Variants in DLGAP1 observed in about 807,000 individuals in gnomAD.
The protein encoded by DLGAP1 is DLG associated protein 1, also known as disks large-associated protein 1.
Under a neutral mutation model 90.8 loss-of-function variants are expected in DLGAP1, and 11 were observed. That is an observed-to-expected ratio of 0.12 (90% CI 0.08 to 0.20). The LOEUF is 0.20. Among genes scored for constraint, DLGAP1 ranks in the 10% least tolerant of loss-of-function variants. The pLI is 1.00. For missense variants in DLGAP1, 1,050 were observed against 1,333.8 expected, an observed-to-expected ratio of 0.79 and a Z score of 3.31; for synonymous variants, 558 against 540.7, an observed-to-expected ratio of 1.03 and a Z score of -0.44.
At chr18:3,743,945 C>T (rs191874740) in intron 5 of DLGAP1, among the ~76,000 whole-genome samples, 121 of 152,276 alleles carry the variant, frequency 7.9e-4, no homozygotes, top group Non-Finnish European at 1.5e-3. Flanking sequence ...CCACTGTGCC[C>T]GGCCAATGTT....
chr18:4,318,686 T>C (rs1239045876), intron 1 of DLGAP1, among the ~76,000 whole-genome samples: 1 of 152,176 alleles, frequency 6.6e-6, no homozygotes. Context: ...TGCAACTTCA[T>C]TAAGAATGTG....
intron 7 of DLGAP1, among the ~76,000 whole-genome samples, chr18:3,644,401 T>TTTTATTTATTTATTTATTTATTTA (rs376019924): frequency 2.2e-3 from 330 of 150,780 alleles, no homozygotes; most frequent in African/African-American, 7.5e-3. Context: ...TACTATTTTA[T>TTTTATTTATTTATTTATTTATTTA]TTTATTTATT....
intron 1 of DLGAP1, among the ~76,000 whole-genome samples, chr18:4,439,229 C>T (rs2083472869): frequency 6.6e-6 from 1 of 152,156 alleles, no homozygotes; most frequent in African/African-American, 2.4e-5. Context: ...GGGGATTTTG[C>T]CATTTCTATT....
chr18:3,646,699 C>T (rs566999210), intron 7 of DLGAP1, among the ~76,000 whole-genome samples: 86 of 151,960 alleles, frequency 5.7e-4, no homozygotes, highest in African/African-American at 1.9e-3. Flanking sequence ...CCGAGGCGGG[C>T]AGATCACGAG....
intron 3 of DLGAP1, among the ~76,000 whole-genome samples, chr18:3,989,098 C>T (rs369876546): frequency 3.9e-5 from 6 of 152,344 alleles, no homozygotes; most frequent in African/African-American, 1.4e-4. Flanking sequence ...CTCCCAGGAC[C>T]CGGTCCCTAT....
intron 1 of DLGAP1, among the ~76,000 whole-genome samples, chr18:4,349,001 T>C (rs1422268117): frequency 6.6e-6 from 1 of 152,106 alleles, no homozygotes; most frequent in Non-Finnish European, 1.5e-5. Flanking sequence ...GGGCAAAAGT[T>C]TATGAGAAAA....
At chr18:4,271,039 A>G (rs2079267053) in intron 1 of DLGAP1, among the ~76,000 whole-genome samples, 1 of 152,192 alleles carries the variant, frequency 6.6e-6, no homozygotes, top group Non-Finnish European at 1.5e-5. Flanking sequence ...ATCCTGACTC[A>G]TATTCCAGAA....
At chr18:4,218,735 T>C (rs2078011572) in intron 1 of DLGAP1, among the ~76,000 whole-genome samples, 1 of 151,954 alleles carries the variant, frequency 6.6e-6, no homozygotes. Flanking sequence ...TGTGTCTGGC[T>C]TATTTCACTT....
chr18:3,614,922 AT>A (rs2057791180), intron 7 of DLGAP1, among the ~76,000 whole-genome samples: 1 of 151,106 alleles, frequency 6.6e-6, no homozygotes, highest in Non-Finnish European at 1.5e-5. Flanking sequence ...TTTTTATTTT[AT>A]TTATTTATTT....
intron 7 of DLGAP1, among the ~76,000 whole-genome samples, chr18:3,625,928 T>C (rs2058276982): frequency 6.6e-6 from 1 of 152,194 alleles, no homozygotes; most frequent in Admixed American, 6.5e-5. Flanking sequence ...CATGCCTACA[T>C]TTATTCATTT....
At chr18:3,529,866 C>T (rs544047225) in intron 10 of DLGAP1, among the ~76,000 whole-genome samples, 1 of 152,348 alleles carries the variant, frequency 6.6e-6, no homozygotes, top group South Asian at 2.1e-4. Context: ...ATACGTTTCT[C>T]TTTCATCCTG....
At chr18:3,975,932 G>A (rs985001214) in intron 3 of DLGAP1, among the ~76,000 whole-genome samples, 4 of 152,188 alleles carry the variant, frequency 2.6e-5, no homozygotes, top group Middle Eastern at 3.4e-3. Flanking sequence ...GAGGGAATGG[G>A]AAGTCAGTGT....
intron 7 of DLGAP1, among the ~76,000 whole-genome samples, chr18:3,717,197 A>G (rs59190400): frequency 0.23 from 35,548 of 151,918 alleles, 4,490 homozygotes; most frequent in East Asian, 0.45. Context: ...CAAATCCTCT[A>G]TAGATTTTCT....
intron 2 of DLGAP1, among the ~76,000 whole-genome samples, chr18:4,134,723 T>C (rs1368391592): frequency 1.3e-5 from 2 of 152,068 alleles, no homozygotes; most frequent in Admixed American, 6.6e-5. Context: ...GTTGAAACAT[T>C]TGAATTTCTT....
intron 2 of DLGAP1, among the ~76,000 whole-genome samples, chr18:4,006,046 T>C (rs555616517): frequency 1.2e-4 from 19 of 152,196 alleles, no homozygotes; most frequent in Non-Finnish European, 2.6e-4. Context: ...TGCCACTCAG[T>C]CCATTTCACT....
intron 1 of DLGAP1, among the ~76,000 whole-genome samples, chr18:4,173,415 G>T (rs1443341683): frequency 6.6e-6 from 1 of 152,178 alleles, no homozygotes; most frequent in African/African-American, 2.4e-5. Flanking sequence ...AATTCTTTAT[G>T]ATCGGTAGAG....
intron 7 of DLGAP1, among the ~76,000 whole-genome samples, chr18:3,706,946 G>A (rs571203906): frequency 9.9e-5 from 15 of 152,234 alleles, no homozygotes; most frequent in African/African-American, 2.9e-4. Context: ...GGGAATGGGC[G>A]GAAAAGGAAT....
chr18:3,613,691 C>T (rs2057731602), intron 7 of DLGAP1, among the ~76,000 whole-genome samples: 1 of 152,150 alleles, frequency 6.6e-6, no homozygotes, highest in Admixed American at 6.6e-5. Flanking sequence ...AATTTATGAA[C>T]AATTAACGCC....
chr18:3,524,959 C>T (rs1285770404), intron 10 of DLGAP1, among the ~76,000 whole-genome samples: 1 of 152,108 alleles, frequency 6.6e-6, no homozygotes, highest in East Asian at 1.9e-4. Flanking sequence ...TGCTGATCTG[C>T]ATTGCACAAC....
Sources: gnomAD v4.1 joint callset for allele counts (sites outside exome capture counted in the v4.1 genomes callset) on GRCh38, gnomAD v4.1.1 for gene constraint, MANE v1.5 for transcripts, NCBI Gene and HGNC (gene_info 2026-07-23, HGNC 2026-07-21) for gene names.